Variants in GRID1 observed in about 807,000 individuals in gnomAD.
GRID1 encodes glutamate ionotropic receptor delta type subunit 1.
A neutral mutation model predicts 98.0 loss-of-function variants in GRID1; 28 were observed. The observed-to-expected ratio is 0.29, with a 90% CI of 0.21 to 0.39. The LOEUF is 0.39. Among genes scored for constraint, GRID1 ranks in the 10% least tolerant of loss-of-function variants. The probability of loss-of-function intolerance (pLI) is 1.00; values close to 1 mark genes in which losing one functional copy is unlikely to be tolerated. For synonymous variants in GRID1, 553 were observed against 538.5 expected (o/e 1.03, Z -0.37); for missense variants, 1,111 against 1,340.5 (o/e 0.83, Z 2.67).
chr10:86,140,575 A>G (rs184358527), intron 3 of GRID1, among the ~76,000 whole-genome samples: 15 of 152,282 alleles, frequency 9.9e-5, no homozygotes, highest in Admixed American at 8.5e-4. Context: ...AGCGCGAGGG[A>G]GAAGAGCAGA....
At chr10:85,808,386 T>A (rs547843641) in intron 8 of GRID1, among the ~76,000 whole-genome samples, 7 of 152,052 alleles carry the variant, frequency 4.6e-5, no homozygotes, top group Non-Finnish European at 1.0e-4. Flanking sequence ...TAAAAAGAAG[T>A]CCAAAATATC....
chr10:85,925,929 G>A (rs1036240603), intron 4 of GRID1, among the ~76,000 whole-genome samples: 2 of 152,218 alleles, frequency 1.3e-5, no homozygotes, highest in African/African-American at 4.8e-5. Context: ...TTTAAAAGAT[G>A]GAAACATGTG....
Position 85,916,112 on chromosome 10 carries a change from A to G in GRID1, c.780+74T>C. The G allele has an allele frequency of 8.7e-7, 1 of 1,146,918 alleles. No individual in the cohort carries two copies. The highest frequency in any genetic ancestry group is 1.3e-6 in the Non-Finnish European group (1 of 762,554). 71.0% of individuals were successfully genotyped at this position (1,146,918 alleles called of 1,614,324 possible). On this transcript the variant is annotated intron_variant, in intron 5 of 15. Coordinates refer to ENST00000327946, the MANE Select transcript of GRID1 (RefSeq NM_017551.3). This position sits in a 1 kb window ranked among gnomAD's most constrained non-coding sequence, Gnocchi z 4.0. ...CCCCTAAGTCAGAATTGAACTGAAA[A>G]GAATCACACTGAGCTTTACAAGGGG... is the stretch of plus-strand genomic sequence containing the variant.
At chr10:85,889,496 G>A (rs1841164428) in intron 5 of GRID1, among the ~76,000 whole-genome samples, 1 of 152,052 alleles carries the variant, frequency 6.6e-6, no homozygotes, top group South Asian at 2.1e-4. Context: ...CATAAATATT[G>A]TCTCAAATGA....
chr10:85,762,391 T>C (rs1842155569), intron 8 of GRID1, among the ~76,000 whole-genome samples: 1 of 152,212 alleles, frequency 6.6e-6, no homozygotes, highest in Non-Finnish European at 1.5e-5. Context: ...CCAATGAACA[T>C]TTTAATATAT....
chr10:85,976,648 C>T (rs542424375), intron 4 of GRID1, among the ~76,000 whole-genome samples: 12 of 152,348 alleles, frequency 7.9e-5, no homozygotes, highest in African/African-American at 2.9e-4. Flanking sequence ...CCTCACATTC[C>T]AGGATGATAT....
intron 3 of GRID1, among the ~76,000 whole-genome samples, chr10:86,189,729 C>T (rs1206206433): frequency 6.6e-6 from 1 of 152,130 alleles, no homozygotes; most frequent in Non-Finnish European, 1.5e-5. Flanking sequence ...CTGGCCTCTA[C>T]CCACTGAGGC....
chr10:85,649,778 G>T (rs1843242284), intron 12 of GRID1, among the ~76,000 whole-genome samples: 1 of 152,132 alleles, frequency 6.6e-6, no homozygotes, highest in South Asian at 2.1e-4. Context: ...CAAGCAGGCA[G>T]CCCAAATGTT....
chr10:85,681,060 A>T (rs1389117463), intron 12 of GRID1, among the ~76,000 whole-genome samples: 2 of 152,200 alleles, frequency 1.3e-5, no homozygotes, highest in Non-Finnish European at 2.9e-5. Flanking sequence ...ACTACACTAA[A>T]AACCCAGACT....
chr10:86,074,287 C>T (rs1348076955), intron 4 of GRID1, among the ~76,000 whole-genome samples: 1 of 152,136 alleles, frequency 6.6e-6, no homozygotes, highest in East Asian at 1.9e-4. Context: ...TGTTTGTACG[C>T]TTTAATCCAC....
At position 85,859,211 on chromosome 10, in the gene GRID1, A is replaced by G. The variant is rs1843141283; in HGVS notation, c.952-3021T>C. Among the ~76,000 whole-genome samples the G allele has an allele frequency of 2.0e-5, 3 of 152,258 alleles. No individual in the cohort carries two copies. In the South Asian group the frequency reaches 6.2e-4, roughly 31 times the overall value. On this transcript the variant is annotated intron_variant, in intron 6 of 15. Transcript: ENST00000327946. Reference sequence around the variant, plus strand: ...GTACTATCTCTAGAACTCAGCACCAATCAAAGCACATAGCTGGTGCTTAAT... The same window carrying G: ...GTACTATCTCTAGAACTCAGCACCAGTCAAAGCACATAGCTGGTGCTTAAT...
intron 4 of GRID1, among the ~76,000 whole-genome samples, chr10:86,107,139 AGGCCTGGT>A (rs974504784): frequency 2.0e-5 from 3 of 152,328 alleles, no homozygotes; most frequent in Admixed American, 2.0e-4. Flanking sequence ...CCCAGATATT[AGGCCTGGT>A]GACAGCTCAC....
At chr10:86,031,024 G>A (rs1843178822) in intron 4 of GRID1, among the ~76,000 whole-genome samples, 2 of 152,086 alleles carry the variant, frequency 1.3e-5, no homozygotes, top group South Asian at 4.2e-4. Flanking sequence ...ATGTAAATCA[G>A]ACACTGCCTC....
At chr10:85,933,308 A>C (rs889361173) in intron 4 of GRID1, among the ~76,000 whole-genome samples, 5 of 122,280 alleles carry the variant, frequency 4.1e-5, no homozygotes, top group African/African-American at 1.1e-4. Context: ...AAAAAAAAAA[A>C]AAAACTTATT....
chr10:86,134,448 T>G (rs1228771889), intron 4 of GRID1, among the ~76,000 whole-genome samples: 2 of 152,180 alleles, frequency 1.3e-5, no homozygotes, highest in Non-Finnish European at 1.5e-5. Flanking sequence ...GCCAAATGAC[T>G]GTGGACTGGA....
At chr10:85,850,631 T>C (rs576403407) in intron 8 of GRID1, among the ~76,000 whole-genome samples, 1 of 152,324 alleles carries the variant, frequency 6.6e-6, no homozygotes, top group South Asian at 2.1e-4. Context: ...GTTTTAGGCC[T>C]TCCTGTGCCT....
chr10:85,987,487 T>C (rs1247402686), intron 4 of GRID1, among the ~76,000 whole-genome samples: 1 of 15,014 alleles, frequency 6.7e-5, no homozygotes, highest in African/African-American at 2.8e-4. Flanking sequence ...CCTAACCTAA[T>C]CACGCCCCCA....
chr10:85,786,296 C>T (rs1842428815), intron 8 of GRID1, among the ~76,000 whole-genome samples: 1 of 152,206 alleles, frequency 6.6e-6, no homozygotes, highest in African/African-American at 2.4e-5. Context: ...AGACACTGCA[C>T]TTGGCATCTG....
chr10:85,655,478 T>C (rs1392961465), intron 12 of GRID1, among the ~76,000 whole-genome samples: 1 of 152,256 alleles, frequency 6.6e-6, no homozygotes, highest in African/African-American at 2.4e-5. Flanking sequence ...TCATGTTTTC[T>C]GGAAGAATGA....
Sources: allele counts gnomAD v4.1 joint callset (sites outside exome capture counted in the v4.1 genomes callset), GRCh38; gene constraint gnomAD v4.1.1; non-coding constraint Gnocchi (gnomAD v3.1); transcripts MANE v1.5; gene names NCBI Gene and HGNC (gene_info 2026-07-23, HGNC 2026-07-21).